The following TRHR variants were observed in gnomAD, a reference collection of about 807,000 sequenced individuals.
TRHR encodes the protein thyrotropin releasing hormone receptor, also known as thyrotropin-releasing hormone receptor.
A neutral mutation model predicts 28.0 loss-of-function variants in TRHR; 14 were observed. The observed-to-expected ratio is 0.50, with a 90% CI of 0.33 to 0.78. The LOEUF is 0.78. TRHR is among the 30% of genes least tolerant of loss of function. The probability of loss-of-function intolerance (pLI) is 0.02; values close to 1 mark genes in which losing one functional copy is unlikely to be tolerated. For synonymous variants in TRHR, 176 were observed against 171.9 expected, an observed-to-expected ratio of 1.02 and a Z score of -0.18; for missense variants, 438 against 469.5, an observed-to-expected ratio of 0.93 and a Z score of 0.62.
At chr8:109,100,279 A>G (rs1237705816) in intron 2 of TRHR, among the ~76,000 whole-genome samples, 1 of 152,168 alleles carries the variant, frequency 6.6e-6, no homozygotes, top group Non-Finnish European at 1.5e-5. Context: ...CGGGAGAAAT[A>G]TTTAACTAGA....
intron 2 of TRHR, among the ~76,000 whole-genome samples, chr8:109,096,920 A>C (rs757347317): frequency 1.4e-4 from 21 of 152,180 alleles, no homozygotes; most frequent in African/African-American, 2.4e-5. Context: ...TTATCCTTAC[A>C]TGTGACATAT....
chr8:109,113,793 T>C (rs1811874125), intron 2 of TRHR, among the ~76,000 whole-genome samples: 1 of 152,168 alleles, frequency 6.6e-6, no homozygotes, highest in Non-Finnish European at 1.5e-5. Flanking sequence ...CTAATAGTTT[T>C]GGAACTTGTA....
intron 2 of TRHR, among the ~76,000 whole-genome samples, chr8:109,100,026 G>T (rs1224771797): frequency 6.6e-6 from 1 of 152,138 alleles, no homozygotes; most frequent in Non-Finnish European, 1.5e-5. Flanking sequence ...AGCACCCCAT[G>T]AATTTTTAAA....
In TRHR at chr8:109,119,208, C is replaced by T. The variant is rs1251521354; in HGVS notation, c.950C>T (p.Pro317Leu). Residue 317 changes from proline (P) to leucine (L), a missense_variant, in exon 3 of 3, where the codon CCG (proline) becomes CTG (leucine). Transcript: ENST00000518632. ...ICIYLNSAIN[P>L]VIYNLMSQKF... ...ATTTATCTCAACAGTGCCATCAACC[C>T]GGTGATTTACAATCTCATGTCCCAG... is the stretch of plus-strand genomic sequence containing the variant. 2 of 1,612,842 alleles carry T rather than the reference C, an allele frequency of 1.2e-6. No individual in the cohort carries two copies. Among genetic ancestry groups the T allele is most frequent in the South Asian group, 1.1e-5 (1 of 91,058 alleles).
In TRHR at chr8:109,119,483, A is replaced by G; in HGVS notation, c.*28A>G. The stretch of plus-strand genomic sequence containing the variant: ...CATGAATTAGAAGAAAATGGATGAC[A>G]AAGAAAATGAGAATCTGTGCAGTCA... On this transcript the variant is annotated 3_prime_UTR_variant, in exon 3 of 3. Transcript: ENST00000518632. 1.2e-6 allele frequency: 2 copies of G among 1,608,760 alleles called. No individual in the cohort carries two copies. Among genetic ancestry groups the G allele is most frequent in the South Asian group, 2.2e-5 (2 of 90,986 alleles).
At chr8:109,116,396 C>G (rs1811922091) in intron 2 of TRHR, among the ~76,000 whole-genome samples, 2 of 152,002 alleles carry the variant, frequency 1.3e-5, no homozygotes, top group Non-Finnish European at 2.9e-5. Flanking sequence ...CCTCCTTGTA[C>G]CTTTGGTAGA....
chr8:109,087,402 A>G (rs1280854676), intron 1 of TRHR, 23 bp from the exon 2 acceptor site: 1 of 1,136,506 alleles, frequency 8.8e-7, no homozygotes, highest in Non-Finnish European at 1.3e-6. Flanking sequence ...CTGTTAATGA[A>G]TATGTACTAT....
In TRHR at chr8:109,106,303, CAGAT is replaced by C. The variant is rs141688419; in HGVS notation, c.790-12742_790-12739del. On this transcript the variant is annotated intron_variant, in intron 2 of 2. Transcript: ENST00000518632. ...ACAAAAGATTGAATATGACAGCTGA[CAGAT>C]AGGACAGAGCAAGAATACCTGTCAA... Among the ~76,000 whole-genome samples the C allele has an allele frequency of 1.5e-3, 227 of 152,220 alleles. 1 individual carries two copies. The East Asian group carries it at 0.028, about 19-fold the overall frequency.
intron 2 of TRHR, among the ~76,000 whole-genome samples, chr8:109,091,766 T>G (rs191661775): frequency 2.0e-5 from 3 of 152,368 alleles, no homozygotes; most frequent in Non-Finnish European, 4.4e-5. Flanking sequence ...AAATGTTGGG[T>G]AAATTCCGTA....
intron 2 of TRHR, among the ~76,000 whole-genome samples, chr8:109,105,413 C>A (rs1811735088): frequency 6.6e-6 from 1 of 152,116 alleles, no homozygotes; most frequent in Non-Finnish European, 1.5e-5. Context: ...CAATTAAATT[C>A]ATTCATTCAT....
chr8:109,114,447 G>A lies in TRHR; in HGVS notation c.790-4601G>A, dbSNP rs143179872. On this transcript the variant is annotated intron_variant, in intron 2 of 2. Coordinates refer to ENST00000518632, the MANE Select transcript of TRHR (RefSeq NM_003301.7). ...TATGCCTGTACCCCTTTTTGCAGCTGTATCTCTCTTTCTGTAGGGAAGACA... is the reference window on the plus strand; with the variant it reads ...TATGCCTGTACCCCTTTTTGCAGCTATATCTCTCTTTCTGTAGGGAAGACA... 8.4e-3 allele frequency among the ~76,000 whole-genome samples: 1,272 copies of A among 152,082 alleles called. 21 individuals are homozygous for A. The highest frequency in any genetic ancestry group is 0.029 in the African/African-American group (1,185 of 41,510).
chr8:109,089,131 C>T (rs1012121324), intron 2 of TRHR, among the ~76,000 whole-genome samples: 3 of 151,984 alleles, frequency 2.0e-5, no homozygotes, highest in African/African-American at 4.8e-5. Flanking sequence ...GAATAAAATA[C>T]TTTTATATCA....
intron 2 of TRHR, among the ~76,000 whole-genome samples, chr8:109,098,986 C>T (rs1337166552): frequency 2.0e-5 from 3 of 152,220 alleles, no homozygotes; most frequent in Middle Eastern, 3.4e-3. Flanking sequence ...GTTGTGTCCA[C>T]GGTGCCTCCA....
intron 2 of TRHR, among the ~76,000 whole-genome samples, chr8:109,093,431 G>C (rs1404870188): frequency 2.0e-5 from 2 of 99,540 alleles, no homozygotes; most frequent in Admixed American, 3.1e-4. Flanking sequence ...TTTTGAGACA[G>C]AGTCTCACCC....
chr8:109,118,993 G>T, intron 2 of TRHR, 55 bp from the exon 3 acceptor site: 1 of 1,607,670 alleles, frequency 6.2e-7, no homozygotes. Context: ...AAGAAAGGGG[G>T]TTTTGTTTTG....
intron 1 of TRHR, 64 bp from the exon 2 acceptor site, chr8:109,087,361 T>G: frequency 1.2e-6 from 1 of 835,268 alleles, no homozygotes; most frequent in Non-Finnish European, 1.9e-6. Flanking sequence ...GACGGTTATT[T>G]GTGATTGGGA....
At position 109,119,177 on chromosome 8, in the gene TRHR, A is replaced by AT. The variant is rs1319952596; in HGVS notation, c.922dup (p.Cys308LeufsTer40). 3.1e-6 allele frequency: 5 copies of AT among 1,612,808 alleles called. No homozygotes were observed. The highest frequency in any genetic ancestry group is 4.2e-6 in the Non-Finnish European group (5 of 1,179,232). ...AAATTGGTTTTTGCTCTTTTGCAGA[A>AT]TTTGCATTTATCTCAACAGTGCCAT... On this transcript the variant is annotated frameshift_variant, in exon 3 of 3. Coordinates refer to ENST00000518632, the MANE Select transcript of TRHR (RefSeq NM_003301.7). LOFTEE classifies it high-confidence loss of function.
Position 109,119,209 on chromosome 8 carries a change from G to A in TRHR, c.951G>A (p.Pro317=), listed in dbSNP as rs772730906. Residue 317 remains proline, a synonymous_variant, in exon 3 of 3, where the codon CCG becomes CCA. Coordinates refer to ENST00000518632, the MANE Select transcript of TRHR (RefSeq NM_003301.7). ...TTTATCTCAACAGTGCCATCAACCC[G>A]GTGATTTACAATCTCATGTCCCAGA... ...ICIYLNSAIN[P]VIYNLMSQKF... 25 of 1,612,582 alleles carry A rather than the reference G, an allele frequency of 1.6e-5. No homozygotes were observed. In the Middle Eastern group the frequency reaches 4.9e-4, roughly 32 times the overall value.
intron 2 of TRHR, among the ~76,000 whole-genome samples, chr8:109,100,437 G>GTT (rs373854283): frequency 2.7e-5 from 4 of 148,726 alleles, no homozygotes; most frequent in African/African-American, 9.9e-5. Flanking sequence ...ATTAAGCATG[G>GTT]TTTTTTTTTT....
Sources: gnomAD v4.1 joint callset for allele counts (sites outside exome capture counted in the v4.1 genomes callset) on GRCh38, gnomAD v4.1.1 for gene constraint, MANE v1.5 for transcripts, NCBI Gene and HGNC (gene_info 2026-07-23, HGNC 2026-07-21) for gene names.